LRP1B: variants seen among roughly 807,000 people sequenced by gnomAD.
The protein encoded by LRP1B is LDL receptor related protein 1B, also known as low-density lipoprotein receptor-related protein 1B.
Under a neutral mutation model 556.6 loss-of-function variants are expected in LRP1B, and 217 were observed. The observed-to-expected ratio is 0.39, with a 90% CI of 0.35 to 0.44. The LOEUF (loss-of-function observed/expected upper bound fraction) is 0.44. LRP1B is among the 20% of genes least tolerant of loss of function. LRP1B has a pLI of 1.00. For synonymous variants in LRP1B, 2,047 were observed against 1,865.8 expected (o/e 1.10, Z -2.50); for missense variants, 5,053 against 5,620.8 (o/e 0.90, Z 3.23).
intron 1 of LRP1B, among the ~76,000 whole-genome samples, chr2:142,049,370 T>C (rs1319840967): frequency 6.6e-6 from 1 of 152,140 alleles, no homozygotes. Context: ...CTCAGCCTAA[T>C]ATAGCTTTAT....
At chr2:141,332,817 A>G (rs1687706766) in intron 3 of LRP1B, among the ~76,000 whole-genome samples, 1 of 150,894 alleles carries the variant, frequency 6.6e-6, no homozygotes, top group Non-Finnish European at 1.5e-5. Context: ...AAAAATGCAA[A>G]AAAAAAAAGA....
intron 2 of LRP1B, among the ~76,000 whole-genome samples, chr2:141,713,174 C>T (rs1357228200): frequency 6.6e-6 from 1 of 151,638 alleles, no homozygotes; most frequent in Non-Finnish European, 1.5e-5. Context: ...GGGTGTGAGC[C>T]ACCATGCCTG....
intron 83 of LRP1B, among the ~76,000 whole-genome samples, chr2:140,313,108 T>C (rs1684378320): frequency 1.3e-5 from 2 of 151,954 alleles, no homozygotes; most frequent in South Asian, 2.1e-4. Context: ...CCAAACAATG[T>C]TTTTATAAAA....
At chr2:140,511,935 A>G (rs949368510) in intron 51 of LRP1B, among the ~76,000 whole-genome samples, 6 of 152,194 alleles carry the variant, frequency 3.9e-5, no homozygotes, top group African/African-American at 1.2e-4. Flanking sequence ...CCATGAAACC[A>G]TAAAGTGTCC....
chr2:142,127,435 T>G (rs1485299419), intron 1 of LRP1B, among the ~76,000 whole-genome samples: 1 of 151,868 alleles, frequency 6.6e-6, no homozygotes, highest in Non-Finnish European at 1.5e-5. Flanking sequence ...ATCTTCAGCT[T>G]TCTCTTAACT....
At chr2:141,684,984 G>A (rs1691243846) in intron 2 of LRP1B, among the ~76,000 whole-genome samples, 1 of 152,096 alleles carries the variant, frequency 6.6e-6, no homozygotes, top group Admixed American at 6.6e-5. Flanking sequence ...ACTCCCAGGT[G>A]AGGTAGGCGA....
At chr2:140,974,935 G>GT (rs777703123) in intron 18 of LRP1B, among the ~76,000 whole-genome samples, 9 of 152,160 alleles carry the variant, frequency 5.9e-5, no homozygotes, top group South Asian at 2.1e-4. Context: ...CTGATGAGAT[G>GT]TTTTTTCTGC....
intron 72 of LRP1B, among the ~76,000 whole-genome samples, chr2:140,360,881 T>C (rs1279910019): frequency 6.6e-6 from 1 of 151,544 alleles, no homozygotes; most frequent in Non-Finnish European, 1.5e-5. Flanking sequence ...CAGCATAAAT[T>C]TGCTGTTTCC....
intron 6 of LRP1B, among the ~76,000 whole-genome samples, chr2:141,226,243 G>T (rs55674759): frequency 0.12 from 18,614 of 151,990 alleles, 1,479 homozygotes; most frequent in East Asian, 0.22. Flanking sequence ...AAAAAACAGG[G>T]CTTAGATGTC....
At chr2:141,172,715 G>C (rs1333960739) in intron 7 of LRP1B, among the ~76,000 whole-genome samples, 1 of 151,782 alleles carries the variant, frequency 6.6e-6, no homozygotes, top group African/African-American at 2.4e-5. Context: ...AATAGAATCT[G>C]ATATATATAT....
intron 1 of LRP1B, among the ~76,000 whole-genome samples, chr2:142,003,149 G>T (rs1702705807): frequency 6.6e-6 from 1 of 152,214 alleles, no homozygotes; most frequent in Non-Finnish European, 1.5e-5. Flanking sequence ...AAGGTTCTAG[G>T]CCTTGGCCAT....
rs1699145433 is a variant in LRP1B at position 141,055,201 on chromosome 2, G to A, written c.1467C>T (p.Ile489=). ...PYGMPGGCSH[I]CLLSSSYKTR... is the part of the protein sequence containing the mutation. ...TTTTGTAACTGCTGCTGAGTAGACA[G>A]ATGTGTGAACAGCCCCCTGGCATTC... The change falls in exon 10 of 91, where the codon ATC becomes ATT. Residue 489 remains isoleucine (I), a synonymous_variant. Coordinates refer to ENST00000389484, the MANE Select transcript of LRP1B (RefSeq NM_018557.3). 2 of 1,612,220 alleles carry A rather than the reference G, an allele frequency of 1.2e-6. No homozygotes were observed. Among genetic ancestry groups the A allele is most frequent in the African/African-American group, 2.7e-5 (2 of 74,786 alleles).
chr2:140,233,398 G>A (rs576540338), intron 90 of LRP1B, 72 bp from the exon 91 acceptor site: 4 of 1,011,072 alleles, frequency 4.0e-6, no homozygotes, highest in Non-Finnish European at 5.6e-6. Flanking sequence ...TTCCTAGAAT[G>A]TCCATCTCCT....
intron 3 of LRP1B, among the ~76,000 whole-genome samples, chr2:141,332,448 GA>G (rs59675152): frequency 0.027 from 3,694 of 138,928 alleles, 156 homozygotes; most frequent in African/African-American, 0.085. Context: ...ATATCTAACT[GA>G]AAAAAAAAAA....
At chr2:140,866,080 G>A (rs1385697510) in intron 27 of LRP1B, among the ~76,000 whole-genome samples, 4 of 152,066 alleles carry the variant, frequency 2.6e-5, no homozygotes, top group Non-Finnish European at 4.4e-5. Flanking sequence ...ATAGATGAAG[G>A]CCATTTTTCA....
intron 41 of LRP1B, among the ~76,000 whole-genome samples, chr2:140,669,239 A>C (rs1371536354): frequency 6.6e-6 from 1 of 152,204 alleles, no homozygotes; most frequent in African/African-American, 2.4e-5. Flanking sequence ...GGATATAAAA[A>C]AAATAATGAG....
intron 47 of LRP1B, among the ~76,000 whole-genome samples, chr2:140,533,054 A>G (rs928434907): frequency 6.7e-6 from 1 of 150,190 alleles, no homozygotes; most frequent in African/African-American, 2.4e-5. Flanking sequence ...ACCTTAATGC[A>G]TTGCACTCAA....
At chr2:141,038,550 T>C (rs970375849) in intron 11 of LRP1B, among the ~76,000 whole-genome samples, 2 of 152,086 alleles carry the variant, frequency 1.3e-5, no homozygotes, top group African/African-American at 4.8e-5. Context: ...ACAATGACTA[T>C]TACTACTCCC....
intron 18 of LRP1B, among the ~76,000 whole-genome samples, chr2:140,963,595 A>G (rs575546158): frequency 1.3e-4 from 20 of 152,294 alleles, no homozygotes; most frequent in African/African-American, 4.8e-4. Context: ...GTAACCGGTG[A>G]GGCAGCTCCA....
Sources: allele counts gnomAD v4.1 joint callset (sites outside exome capture counted in the v4.1 genomes callset), GRCh38; gene constraint gnomAD v4.1.1; transcripts MANE v1.5; gene names NCBI Gene and HGNC (gene_info 2026-07-23, HGNC 2026-07-21).